XYLT1: variants seen among roughly 807,000 people sequenced by gnomAD.
XYLT1 encodes beta-D-xylosyltransferase 1.
Under a neutral mutation model 91.3 loss-of-function variants are expected in XYLT1, and 36 were observed. That is an observed-to-expected ratio of 0.39 (90% CI 0.30 to 0.52). XYLT1 has a LOEUF of 0.52. Ranked by LOEUF, XYLT1 falls within the 20% of genes least tolerant of loss-of-function variation. XYLT1 has a pLI of 0.68. For synonymous variants in XYLT1, 588 were observed against 532.0 expected (o/e 1.11, Z -1.45); for missense variants, 1,242 against 1,284.5 (o/e 0.97, Z 0.51).
intron 3 of XYLT1, among the ~76,000 whole-genome samples, chr16:17,216,869 T>G (rs1404714796): frequency 6.6e-6 from 1 of 152,230 alleles, no homozygotes; most frequent in Admixed American, 6.5e-5. Flanking sequence ...GTGGTCCTCT[T>G]CGTCAAGCCT....
In XYLT1 at chr16:17,386,122, T is replaced by G. The variant is rs73525161; in HGVS notation, c.364-28072A>C. Among the ~76,000 whole-genome samples the G allele has an allele frequency of 3.2e-3, 494 of 152,292 alleles. 4 individuals are homozygous for G. The highest frequency in any genetic ancestry group is 0.011 in the African/African-American group (476 of 41,556). ...AATACATGACAATTAAAAAAATCAC[T>G]TATGTAACAGCTGAGAAACACTTTT... On this transcript the variant is annotated intron_variant, in intron 1 of 11. Coordinates refer to ENST00000261381, the MANE Select transcript of XYLT1 (RefSeq NM_022166.4).
intron 2 of XYLT1, among the ~76,000 whole-genome samples, chr16:17,310,414 T>C (rs1353125505): frequency 2.0e-5 from 3 of 152,226 alleles, no homozygotes; most frequent in Non-Finnish European, 2.9e-5. Flanking sequence ...ATTTCACTTA[T>C]CACAGTCCCA....
rs1334041629 is a variant in XYLT1 at position 17,102,307 on chromosome 16, G to A, written c.*6388C>T. 6.6e-6 allele frequency: 1 copy of A among 152,552 alleles called. No homozygotes were observed. The highest frequency in any genetic ancestry group is 1.9e-4 in the East Asian group (1 of 5,192). The allele number at this position is 152,552 out of a possible 1,614,324, so 9.4% of individuals were successfully genotyped here. On this transcript the variant is annotated 3_prime_UTR_variant, in exon 12 of 12. Coordinates refer to ENST00000261381, the MANE Select transcript of XYLT1 (RefSeq NM_022166.4). ...AGATGCACAATGTTGCTGAAAAGAA[G>A]CCACATATAGTCACTGTTCCATAAA...
chr16:17,317,991 C>G (rs2034662293), intron 2 of XYLT1, among the ~76,000 whole-genome samples: 1 of 152,228 alleles, frequency 6.6e-6, no homozygotes, highest in Non-Finnish European at 1.5e-5. Context: ...CCACACCAGT[C>G]ATTACCCGTC....
chr16:17,190,536 C>T (rs1233324037), intron 5 of XYLT1, among the ~76,000 whole-genome samples: 2 of 146,640 alleles, frequency 1.4e-5, no homozygotes, highest in African/African-American at 2.5e-5. Flanking sequence ...TGAGTGAGAA[C>T]ATGTGGTGTT....
intron 1 of XYLT1, among the ~76,000 whole-genome samples, chr16:17,443,766 A>G (rs2036560139): frequency 2.0e-5 from 3 of 152,230 alleles, no homozygotes; most frequent in Non-Finnish European, 2.9e-5. Flanking sequence ...TTATATAAAT[A>G]CACACCTCTT....
intron 3 of XYLT1, among the ~76,000 whole-genome samples, chr16:17,243,462 G>A (rs1202769167): frequency 6.6e-6 from 1 of 152,136 alleles, no homozygotes; most frequent in Admixed American, 6.5e-5. Flanking sequence ...ACTCTTGAGA[G>A]GAAAAAGGGG....
rs1322423634 is a variant in XYLT1, at chr16:17,142,359, A to G, written c.1371-990T>C. Among the ~76,000 whole-genome samples the G allele has an allele frequency of 2.0e-5, 3 of 151,362 alleles. No individual in the cohort carries two copies. The East Asian group carries it at 5.8e-4, about 29-fold the overall frequency. On this transcript the variant is annotated intron_variant, in intron 6 of 11. Coordinates refer to ENST00000261381, the MANE Select transcript of XYLT1 (RefSeq NM_022166.4). Reference sequence around the variant, plus strand: ...AAATACATTTTAAAACACTGAATGTATGGTACTACGTGTGTTTCTTTATTA... The same window carrying G: ...AAATACATTTTAAAACACTGAATGTGTGGTACTACGTGTGTTTCTTTATTA...
intron 2 of XYLT1, among the ~76,000 whole-genome samples, chr16:17,340,956 C>G (rs925089601): frequency 2.0e-5 from 3 of 152,124 alleles, no homozygotes; most frequent in Non-Finnish European, 4.4e-5. Context: ...ATCAAGGCAG[C>G]AAGATACTGT....
chr16:17,307,679 C>T (rs562710820), intron 2 of XYLT1, among the ~76,000 whole-genome samples: 1 of 152,264 alleles, frequency 6.6e-6, no homozygotes, highest in South Asian at 2.1e-4. Flanking sequence ...TTTCCAATGA[C>T]TCTGGCCCAT....
At chr16:17,134,811 C>T (rs578222330) in intron 8 of XYLT1, 76 bp from the exon 9 acceptor site, 2 of 1,557,776 alleles carry the variant, frequency 1.3e-6, no homozygotes, top group African/African-American at 2.7e-5. Flanking sequence ...AGGGCATATC[C>T]TGTGGTTAGA....
chr16:17,115,133 G>A (rs185093949), intron 11 of XYLT1, among the ~76,000 whole-genome samples: 1 of 151,962 alleles, frequency 6.6e-6, no homozygotes, highest in Non-Finnish European at 1.5e-5. Context: ...TGTGACCACC[G>A]CACCCGGCTG....
Position 17,103,218 on chromosome 16 carries a change from A to G in XYLT1, c.*5477T>C, listed in dbSNP as rs1259405222. Reference sequence around the variant, plus strand: ...CCTGATTTACCCTTGAATGAAGTACATATAAAGTCACCCAGTCTTGGGGGC... The same window carrying G: ...CCTGATTTACCCTTGAATGAAGTACGTATAAAGTCACCCAGTCTTGGGGGC... On this transcript the variant is annotated 3_prime_UTR_variant, in exon 12 of 12. Coordinates refer to ENST00000261381, the MANE Select transcript of XYLT1 (RefSeq NM_022166.4). 2.0e-5 allele frequency: 3 copies of G among 152,670 alleles called. No homozygotes were observed. The highest frequency in any genetic ancestry group is 7.2e-5 in the African/African-American group (3 of 41,464). The allele number at this position is 152,670 out of a possible 1,614,324, so 9.5% of individuals were successfully genotyped here.
chr16:17,311,073 C>T (rs2034540543), intron 2 of XYLT1, among the ~76,000 whole-genome samples: 1 of 152,150 alleles, frequency 6.6e-6, no homozygotes, highest in Admixed American at 6.5e-5. Flanking sequence ...AGATGGGGCT[C>T]CCTTCCTTGC....
At chr16:17,397,049 A>G (rs140413119) in intron 1 of XYLT1, among the ~76,000 whole-genome samples, 21 of 152,306 alleles carry the variant, frequency 1.4e-4, no homozygotes, top group African/African-American at 5.1e-4. Flanking sequence ...GTTGCCAAGG[A>G]GACTGAAGGG....
chr16:17,396,511 T>G (rs2035888750), intron 1 of XYLT1, among the ~76,000 whole-genome samples: 1 of 152,202 alleles, frequency 6.6e-6, no homozygotes, highest in Non-Finnish European at 1.5e-5. Context: ...TAAATGTGTT[T>G]ATTCTTAGTT....
At chr16:17,255,903 G>A (rs759721114) in intron 3 of XYLT1, among the ~76,000 whole-genome samples, 1 of 152,122 alleles carries the variant, frequency 6.6e-6, no homozygotes, top group East Asian at 1.9e-4. Context: ...AGCTACTCGG[G>A]AGGCTAAGGC....
chr16:17,232,435 A>G (rs943347431), intron 3 of XYLT1, among the ~76,000 whole-genome samples: 8 of 119,288 alleles, frequency 6.7e-5, no homozygotes, highest in East Asian at 2.2e-4. Context: ...GTGTGTATAT[A>G]TATATATATA....
chr16:17,351,449 G>C (rs1480018621), intron 2 of XYLT1, among the ~76,000 whole-genome samples: 1 of 152,110 alleles, frequency 6.6e-6, no homozygotes. Context: ...GGAGGCAGAG[G>C]TTGCAGTGAG....
Sources: gnomAD v4.1 joint callset for allele counts (sites outside exome capture counted in the v4.1 genomes callset) on GRCh38, gnomAD v4.1.1 for gene constraint, MANE v1.5 for transcripts, NCBI Gene and HGNC (gene_info 2026-07-23, HGNC 2026-07-21) for gene names.